RAB11FIP4: variants seen among roughly 807,000 people sequenced by gnomAD.
RAB11FIP4 encodes RAB11 family interacting protein 4.
Under a neutral mutation model 74.3 loss-of-function variants are expected in RAB11FIP4, and 23 were observed. The observed-to-expected ratio is 0.31, with a 90% CI of 0.22 to 0.44. The LOEUF is 0.44. Among genes scored for constraint, RAB11FIP4 ranks in the 20% least tolerant of loss-of-function variants. The probability of loss-of-function intolerance (pLI) is 1.00; values close to 1 mark genes in which losing one functional copy is unlikely to be tolerated. For missense variants in RAB11FIP4, 630 were observed against 863.9 expected, an observed-to-expected ratio of 0.73 and a Z score of 3.39; for synonymous variants, 360 against 359.9, an observed-to-expected ratio of 1.00 and a Z score of 0.00.
At position 31,536,486 on chromosome 17, in the gene RAB11FIP4, A is replaced by G. The variant is rs1266504759; in HGVS notation, c.*4754A>G. On this transcript the variant is annotated 3_prime_UTR_variant, in exon 15 of 15. Transcript: ENST00000621161. ...GGATTCTAGATTGAGGAAAGGGGCC[A>G]CTTAGGACTCAGTGCTGGTATCCTC... is the stretch of plus-strand genomic sequence containing the variant. 1 of 153,244 alleles carries G rather than the reference A, an allele frequency of 6.5e-6. No individual in the cohort carries two copies. The highest frequency in any genetic ancestry group is 1.5e-5 in the Non-Finnish European group (1 of 68,820). 9.5% of individuals were successfully genotyped at this position (153,244 alleles called of 1,614,324 possible). A position where few individuals can be genotyped will look rare whatever the true frequency, so the allele number is the denominator to read the frequency against.
Position 31,523,602 on chromosome 17 carries a change from C to T in RAB11FIP4, c.1020C>T (p.Ile340=). Residue 340 remains isoleucine, a synonymous_variant, in exon 8 of 15, where the codon ATC becomes ATT. Transcript: ENST00000621161. ...RDSIDSCDND[I]TEKVSFLEKK... ...GCATTGACTCTTGCGACAATGACAT[C>T]ACAGAGAAGGTGGGCCTTGGGTGGC... 1 of 1,613,862 alleles carries T rather than the reference C, an allele frequency of 6.2e-7. No homozygotes were observed.
intron 1 of RAB11FIP4, among the ~76,000 whole-genome samples, chr17:31,429,664 T>A (rs1567652728): frequency 6.6e-6 from 1 of 152,030 alleles, no homozygotes; most frequent in African/African-American, 2.4e-5. Context: ...GCCTCTCTAC[T>A]AAAAATACAA....
At chr17:31,477,884 GA>G (rs752712075) in intron 3 of RAB11FIP4, among the ~76,000 whole-genome samples, 3 of 152,098 alleles carry the variant, frequency 2.0e-5, no homozygotes, top group Non-Finnish European at 4.4e-5. Context: ...GTAAAATGGG[GA>G]TAATACCTGC....
rs372232803 is a variant in RAB11FIP4, at chr17:31,517,524, C to A, written c.337-127C>A. 3 of 825,168 alleles carry A rather than the reference C, an allele frequency of 3.6e-6. No homozygotes were observed. In the East Asian group the frequency reaches 8.0e-5, roughly 22 times the overall value. 51.1% of individuals were successfully genotyped at this position (825,168 alleles called of 1,614,324 possible). On this transcript the variant is annotated intron_variant, in intron 3 of 14. Coordinates refer to ENST00000621161, the MANE Select transcript of RAB11FIP4 (RefSeq NM_032932.6). The stretch of plus-strand genomic sequence containing the variant: ...GCCAGGTGTTCCCACGCTTAGGGTT[C>A]GGGATCTGGGCCTCCTGTACCCAAT...
At chr17:31,450,155 C>A (rs1447535501) in intron 3 of RAB11FIP4, among the ~76,000 whole-genome samples, 1 of 152,036 alleles carries the variant, frequency 6.6e-6, no homozygotes, top group Non-Finnish European at 1.5e-5. Context: ...CCTTCCCCTG[C>A]CATTCTCAGC....
intron 3 of RAB11FIP4, chr17:31,448,327 G>A (rs1360211480): frequency 6.7e-6 from 1 of 149,372 alleles, no homozygotes; most frequent in East Asian, 2.0e-4. Context: ...CCAGGCTCAA[G>A]CAATCCTCCC....
chr17:31,522,266 C>A (rs1467447131), intron 6 of RAB11FIP4, 94 bp from the exon 7 acceptor site: 1 of 1,383,112 alleles, frequency 7.2e-7, no homozygotes, highest in Non-Finnish European at 1.0e-6. Context: ...GAGGGAAGAG[C>A]CTTGTCCTGC....
intron 3 of RAB11FIP4, among the ~76,000 whole-genome samples, chr17:31,465,127 G>T (rs919193241): frequency 1.1e-4 from 16 of 152,098 alleles, no homozygotes; most frequent in Non-Finnish European, 1.3e-4. Flanking sequence ...TCATCTTACA[G>T]ATGGGGAAAC....
At chr17:31,415,165 G>T (rs1407907287) in intron 1 of RAB11FIP4, among the ~76,000 whole-genome samples, 2 of 152,220 alleles carry the variant, frequency 1.3e-5, no homozygotes, top group Non-Finnish European at 2.9e-5. Context: ...CTGGCAAGGG[G>T]GAAGAGCCCC....
intron 1 of RAB11FIP4, among the ~76,000 whole-genome samples, chr17:31,417,385 A>G (rs2071158538): frequency 6.6e-6 from 1 of 152,140 alleles, no homozygotes; most frequent in Admixed American, 6.5e-5. Flanking sequence ...CCAGGTGCCC[A>G]GACCTGCCAC....
intron 3 of RAB11FIP4, among the ~76,000 whole-genome samples, chr17:31,482,647 G>A (rs1293771994): frequency 6.6e-6 from 1 of 152,052 alleles, no homozygotes; most frequent in Non-Finnish European, 1.5e-5. Context: ...TTCCTTTGGG[G>A]TCAAGAGGCC....
chr17:31,398,397 C>T (rs1226322242), intron 1 of RAB11FIP4, among the ~76,000 whole-genome samples: 2 of 152,098 alleles, frequency 1.3e-5, no homozygotes, highest in Admixed American at 1.3e-4. Context: ...TGAGTTCCAG[C>T]GTCATTCCCA....
intron 3 of RAB11FIP4, among the ~76,000 whole-genome samples, chr17:31,450,762 G>C (rs1390262191): frequency 6.6e-6 from 1 of 151,976 alleles, no homozygotes; most frequent in Non-Finnish European, 1.5e-5. Context: ...TTTCCCCTCC[G>C]ACATTGCCTT....
intron 3 of RAB11FIP4, among the ~76,000 whole-genome samples, chr17:31,499,748 G>A (rs1332862142): frequency 6.6e-6 from 1 of 151,722 alleles, no homozygotes; most frequent in Non-Finnish European, 1.5e-5. Context: ...CATGGTAGGC[G>A]CCCTAGTATG....
chr17:31,427,713 A>AG lies in RAB11FIP4; in HGVS notation c.160-4097dup, dbSNP rs759140298. ...TGTAGGCCTGAGCATGGGAGGCTGG[A>AG]GGGTAGAGGGTGCCCTGGCTCATCC... On this transcript the variant is annotated intron_variant, in intron 1 of 14. Transcript: ENST00000621161. Among the ~76,000 whole-genome samples, 127 of 152,276 alleles carry AG rather than the reference A, an allele frequency of 8.3e-4. 1 individual carries two copies. The highest frequency in any genetic ancestry group is 2.3e-3 in the Admixed American group (35 of 15,300).
intron 6 of RAB11FIP4, 123 bp downstream of exon 6, chr17:31,522,172 G>C: frequency 7.3e-7 from 1 of 1,372,198 alleles, no homozygotes; most frequent in Non-Finnish European, 1.0e-6. Context: ...CTCAGAGGAG[G>C]GTTGATCCAG....
intron 10 of RAB11FIP4, 194 bp downstream of exon 10, chr17:31,525,424 A>G: frequency 3.2e-6 from 2 of 618,122 alleles, no homozygotes; most frequent in Non-Finnish European, 5.7e-6. Flanking sequence ...AAGTTCGCTA[A>G]GGAATGTTCC....
intron 3 of RAB11FIP4, among the ~76,000 whole-genome samples, chr17:31,447,300 A>C (rs557921240): frequency 2.0e-5 from 3 of 152,086 alleles, no homozygotes; most frequent in South Asian, 4.2e-4. Flanking sequence ...AAAACAAAAC[A>C]AAACAAGACA....
chr17:31,440,967 T>C (rs1375154702), intron 3 of RAB11FIP4, among the ~76,000 whole-genome samples: 2 of 152,190 alleles, frequency 1.3e-5, no homozygotes, highest in Admixed American at 6.5e-5. Context: ...CATATATCTT[T>C]TCATTTATTC....
Sources: allele counts gnomAD v4.1 joint callset (sites outside exome capture counted in the v4.1 genomes callset), GRCh38; gene constraint gnomAD v4.1.1; transcripts MANE v1.5; gene names NCBI Gene and HGNC (gene_info 2026-07-23, HGNC 2026-07-21).